GRIK4: variants seen among roughly 807,000 people sequenced by gnomAD.
GRIK4 encodes the protein glutamate ionotropic receptor kainate type subunit 4.
Under a neutral mutation model 104.9 loss-of-function variants are expected in GRIK4, and 40 were observed. That is an observed-to-expected ratio of 0.38 (90% CI 0.30 to 0.50). The LOEUF (loss-of-function observed/expected upper bound fraction) is 0.50, where lower values mean the gene tolerates loss of function less well. Among genes scored for constraint, GRIK4 ranks in the 20% least tolerant of loss-of-function variants. The pLI is 0.93. For missense variants in GRIK4, 1,047 were observed against 1,308.1 expected, an observed-to-expected ratio of 0.80 and a Z score of 3.08; for synonymous variants, 485 against 524.9, an observed-to-expected ratio of 0.92 and a Z score of 1.04.
chr11:120,923,744 C>T (rs922361910), intron 13 of GRIK4, among the ~76,000 whole-genome samples: 3 of 152,214 alleles, frequency 2.0e-5, no homozygotes, highest in Middle Eastern at 3.4e-3. Flanking sequence ...AGAATAAACC[C>T]GTGAAGCGGA....
intron 1 of GRIK4, among the ~76,000 whole-genome samples, chr11:120,647,505 A>C (rs1832383277): frequency 6.6e-6 from 1 of 152,180 alleles, no homozygotes; most frequent in African/African-American, 2.4e-5. Flanking sequence ...ATCTGACTGC[A>C]ATACTTACCC....
At chr11:120,864,691 C>G (rs1954358987) in intron 9 of GRIK4, among the ~76,000 whole-genome samples, 1 of 152,224 alleles carries the variant, frequency 6.6e-6, no homozygotes, top group Admixed American at 6.5e-5. Flanking sequence ...TCCTCATTCT[C>G]TCTAAGGGTA....
chr11:120,751,125 T>C (rs954520831), intron 3 of GRIK4, among the ~76,000 whole-genome samples: 2 of 152,032 alleles, frequency 1.3e-5, no homozygotes, highest in Non-Finnish European at 2.9e-5. Context: ...TCTTTTCACC[T>C]TGGCATGGCC....
intron 3 of GRIK4, among the ~76,000 whole-genome samples, chr11:120,797,855 C>T (rs772037294): frequency 3.3e-5 from 5 of 152,104 alleles, no homozygotes; most frequent in African/African-American, 7.2e-5. Flanking sequence ...ATACAAGATT[C>T]GCACGTTCCC....
intron 19 of GRIK4, among the ~76,000 whole-genome samples, chr11:120,974,993 A>G (rs778368883): frequency 3.9e-5 from 6 of 152,382 alleles, no homozygotes; most frequent in African/African-American, 9.6e-5. Context: ...AAGTCTTTGC[A>G]GAACAATTGC....
chr11:120,866,831 T>C (rs1432220846), intron 9 of GRIK4, among the ~76,000 whole-genome samples: 1 of 152,182 alleles, frequency 6.6e-6, no homozygotes, highest in Non-Finnish European at 1.5e-5. Flanking sequence ...TGTTCTTTCT[T>C]GCTGAGGACG....
At position 120,612,074 on chromosome 11, in the gene GRIK4, C is replaced by T. The variant is rs149382996; in HGVS notation, c.-158-41611C>T. Among the ~76,000 whole-genome samples the T allele has an allele frequency of 5.6e-3, 846 of 152,274 alleles. 3 individuals carry two copies. Among genetic ancestry groups the T allele is most frequent in the Middle Eastern group, 0.014 (4 of 294 alleles). ...CCTAGTAATTCCATCTTTTCTGTAC[C>T]GCTCCTGTAATACTTAATTCATTCT... On this transcript the variant is annotated intron_variant, in intron 1 of 20. Transcript: ENST00000527524.
intron 9 of GRIK4, among the ~76,000 whole-genome samples, chr11:120,863,866 A>G (rs911769663): frequency 1.3e-5 from 2 of 152,218 alleles, no homozygotes; most frequent in African/African-American, 4.8e-5. Context: ...CTCAGGAAGG[A>G]AGGGGTAGCT....
At chr11:120,844,658 G>A (rs1215342546) in intron 8 of GRIK4, among the ~76,000 whole-genome samples, 3 of 152,298 alleles carry the variant, frequency 2.0e-5, no homozygotes, top group Non-Finnish European at 2.9e-5. Context: ...GGAGAGCTGG[G>A]CCCTATTCCC....
At chr11:120,832,113 C>A in intron 7 of GRIK4, 83 bp downstream of exon 7, 1 of 912,740 alleles carries the variant, frequency 1.1e-6, no homozygotes, top group Non-Finnish European at 1.7e-6. Flanking sequence ...TGAGCTGAGG[C>A]TGACGGAGCC....
intron 1 of GRIK4, among the ~76,000 whole-genome samples, chr11:120,583,264 C>A (rs543240748): frequency 6.6e-6 from 1 of 152,158 alleles, no homozygotes; most frequent in African/African-American, 2.4e-5. Context: ...TTGTTGGATA[C>A]ATAGTTTGCA....
At position 120,604,683 on chromosome 11, in the gene GRIK4, AAG is replaced by A. The variant is rs1948936268; in HGVS notation, c.-158-49001_-158-49000del. 3.3e-5 allele frequency among the ~76,000 whole-genome samples: 5 copies of A among 152,368 alleles called. No individual in the cohort carries two copies. The South Asian group carries it at 1.0e-3, about 32-fold the overall frequency. ...GGGCCAGCCAGCCCCTGTTAGCGAT[AAG>A]CCAGAGCTGGAGAAAACAGAATCAA... On this transcript the variant is annotated intron_variant, in intron 1 of 20. Transcript: ENST00000527524.
chr11:120,786,585 T>TTC (rs1303906429), intron 3 of GRIK4, among the ~76,000 whole-genome samples: 1 of 152,222 alleles, frequency 6.6e-6, no homozygotes, highest in Non-Finnish European at 1.5e-5. Flanking sequence ...CCTGCCTTGC[T>TTC]TCTGGCTGTG....
chr11:120,598,923 G>T (rs1204904758), intron 1 of GRIK4, among the ~76,000 whole-genome samples: 1 of 152,244 alleles, frequency 6.6e-6, no homozygotes, highest in African/African-American at 2.4e-5. Context: ...CCAGACTCAA[G>T]GGATGGATAA....
intron 1 of GRIK4, among the ~76,000 whole-genome samples, chr11:120,515,302 A>C (rs1947712450): frequency 6.6e-6 from 1 of 152,204 alleles, no homozygotes. Flanking sequence ...CACTCCCTGC[A>C]TGACCTCGGA....
At chr11:120,852,307 T>C (rs533733264) in intron 8 of GRIK4, among the ~76,000 whole-genome samples, 1 of 152,318 alleles carries the variant, frequency 6.6e-6, no homozygotes, top group African/African-American at 2.4e-5. Flanking sequence ...CTGAGGTCTT[T>C]GTAAAGGCAG....
At chr11:120,958,052 G>T (rs554801516) in intron 16 of GRIK4, among the ~76,000 whole-genome samples, 2 of 152,256 alleles carry the variant, frequency 1.3e-5, no homozygotes, top group African/African-American at 4.8e-5. Context: ...TCTCAGCAAG[G>T]AGAGTCACGG....
intron 13 of GRIK4, among the ~76,000 whole-genome samples, chr11:120,916,190 G>A (rs368790137): frequency 1.2e-4 from 19 of 152,244 alleles, no homozygotes; most frequent in African/African-American, 2.2e-4. Context: ...TGACCACCTC[G>A]TTTTTCAGAC....
At chr11:120,859,056 G>T (rs1224094435) in intron 8 of GRIK4, 1 of 152,216 alleles carries the variant, frequency 6.6e-6, no homozygotes, top group African/African-American at 2.4e-5. Flanking sequence ...GGAATAAAAA[G>T]GCAGGAAGAC....
Sources: gnomAD v4.1 joint callset for allele counts (sites outside exome capture counted in the v4.1 genomes callset) on GRCh38, gnomAD v4.1.1 for gene constraint, MANE v1.5 for transcripts, NCBI Gene and HGNC (gene_info 2026-07-23, HGNC 2026-07-21) for gene names.